Variants in CYB5R3 observed in about 807,000 individuals in gnomAD.
CYB5R3 encodes NADH-cytochrome b5 reductase 3.
CYB5R3 carries 28 observed loss-of-function variants against 36.5 expected under a neutral mutation model. The observed-to-expected ratio is 0.77, with a 90% CI of 0.57 to 1.05. The LOEUF (loss-of-function observed/expected upper bound fraction) is 1.05. Ranked by LOEUF, CYB5R3 falls within the 50% of genes least tolerant of loss-of-function variation. CYB5R3 has a pLI of 0.00. For missense variants in CYB5R3, 474 were observed against 408.9 expected (o/e 1.16, Z -1.37); for synonymous variants, 181 against 159.8 (o/e 1.13, Z -1.00).
chr22:42,627,769 A>G lies in CYB5R3; in HGVS notation c.464-81T>C, dbSNP rs867803728. 17 of 1,064,552 alleles carry G rather than the reference A, an allele frequency of 1.6e-5. No homozygotes were observed. In the Middle Eastern group the frequency reaches 1.0e-3, roughly 62 times the overall value. 65.9% of individuals were successfully genotyped at this position (1,064,552 alleles called of 1,614,324 possible). Reference sequence around the variant, plus strand: ...GGAGAGGCTGGAGAGGGGGCTGGAGAACCTGCCCCCACTGTGAGGTCCGAG... The same window carrying G: ...GGAGAGGCTGGAGAGGGGGCTGGAGGACCTGCCCCCACTGTGAGGTCCGAG... On this transcript the variant is annotated intron_variant, in intron 5 of 8. Coordinates refer to ENST00000352397, the MANE Select transcript of CYB5R3 (RefSeq NM_000398.7).
chr22:42,627,421 C>T, intron 6 of CYB5R3, 32 bp from the exon 7 acceptor site: 1 of 1,601,894 alleles, frequency 6.2e-7, no homozygotes, highest in Non-Finnish European at 8.5e-7. Flanking sequence ...CTCGCACGTG[C>T]TGAGCGAGGC....
rs1470298576 is a variant in CYB5R3 at position 42,649,353 on chromosome 22, G to A, written c.-38C>T. The A allele has an allele frequency of 6.7e-6, 6 of 894,286 alleles. No individual in the cohort carries two copies. Among genetic ancestry groups the A allele is most frequent in the South Asian group, 7.8e-5 (2 of 25,638 alleles). 55.4% of individuals were successfully genotyped at this position (894,286 alleles called of 1,614,324 possible). On this transcript the variant is annotated 5_prime_UTR_variant, in exon 1 of 9. Coordinates refer to ENST00000352397, the MANE Select transcript of CYB5R3 (RefSeq NM_000398.7). The stretch of plus-strand genomic sequence containing the variant: ...CCGCGCTCGCTCTGTCGCCGCCGCC[G>A]CCGCCGCCGAGACCGTCGCGCCCGG...
chr22:42,628,370 C>T, intron 4 of CYB5R3, 89 bp from the exon 5 acceptor site: 2 of 1,544,060 alleles, frequency 1.3e-6, no homozygotes, highest in Non-Finnish European at 1.8e-6. Flanking sequence ...GCCTCTTCTG[C>T]AGCTTCTTCT....
chr22:42,647,346 G>A (rs1055541008), intron 1 of CYB5R3, among the ~76,000 whole-genome samples: 8 of 152,214 alleles, frequency 5.3e-5, no homozygotes, highest in Admixed American at 2.0e-4. Flanking sequence ...CAAGAACGGC[G>A]TTCACACCTG....
chr22:42,627,836 G>C, intron 5 of CYB5R3, 148 bp from the exon 6 acceptor site: 1 of 743,522 alleles, frequency 1.3e-6, no homozygotes, highest in Non-Finnish European at 2.4e-6. Flanking sequence ...TGAGGAAGGT[G>C]CAGGAGCAGT....
At chr22:42,643,457 C>G (rs888342764) in intron 1 of CYB5R3, among the ~76,000 whole-genome samples, 3 of 139,016 alleles carry the variant, frequency 2.2e-5, no homozygotes, top group Admixed American at 7.2e-5. Context: ...CCCCACCCCC[C>G]ACCCTGCAAC....
intron 1 of CYB5R3, 92 bp downstream of exon 1, chr22:42,649,203 C>T (rs1929657937): frequency 9.2e-6 from 5 of 542,736 alleles, no homozygotes; most frequent in Middle Eastern, 8.5e-4. Flanking sequence ...GCCCGGGTCC[C>T]GCGTCACCTC....
chr22:42,622,210 G>T (rs114534262), intron 8 of CYB5R3, among the ~76,000 whole-genome samples: 1,732 of 152,210 alleles, frequency 0.011, 32 homozygotes, highest in African/African-American at 0.039. Context: ...GTGAGCCACC[G>T]CGCCCGGCCT....
intron 1 of CYB5R3, among the ~76,000 whole-genome samples, chr22:42,644,813 C>T (rs897085346): frequency 2.6e-5 from 4 of 152,166 alleles, no homozygotes; most frequent in Non-Finnish European, 5.9e-5. Context: ...CCCTGGAGTT[C>T]TGTTTTTCCA....
intron 1 of CYB5R3, chr22:42,646,647 C>G: frequency 1.0e-6 from 1 of 985,626 alleles, no homozygotes; most frequent in Non-Finnish European, 1.2e-6. Context: ...TTACCTGTCC[C>G]CTGCCTGCCC....
intron 2 of CYB5R3, among the ~76,000 whole-genome samples, chr22:42,636,294 G>A (rs918133659): frequency 6.6e-6 from 1 of 152,154 alleles, no homozygotes; most frequent in African/African-American, 2.4e-5. Flanking sequence ...ACAGCTCAGA[G>A]CACCCAGGGA....
intron 2 of CYB5R3, 107 bp downstream of exon 2, chr22:42,636,608 G>A (rs1450153837): frequency 6.6e-7 from 1 of 1,513,068 alleles, no homozygotes; most frequent in Non-Finnish European, 8.9e-7. Flanking sequence ...TCTGTAAAAT[G>A]GGTGGACAAC....
Position 42,619,938 on chromosome 22 carries a change from G to A in CYB5R3, c.741C>T (p.Asp247=), listed in dbSNP as rs1927874834. 2 of 1,598,296 alleles carry A rather than the reference G, an allele frequency of 1.3e-6. No homozygotes were observed. Among genetic ancestry groups the A allele is most frequent in the East Asian group, 4.5e-5 (2 of 44,134 alleles). Residue 247 remains aspartate, a synonymous_variant, in exon 9 of 9, where the codon GAC becomes GAT. Coordinates refer to ENST00000352397, the MANE Select transcript of CYB5R3 (RefSeq NM_000398.7). ...CCTCATTCACGAAGCCCTGGCCGTA[G>A]TCCCAGGCTGTGGGGTGAGAGACCA... is the stretch of plus-strand genomic sequence containing the variant. ...YTLDRAPEAW[D]YGQGFVNEEM...
intron 4 of CYB5R3, among the ~76,000 whole-genome samples, chr22:42,628,566 TCAC>T (rs1928432905): frequency 6.6e-6 from 1 of 152,034 alleles, no homozygotes; most frequent in African/African-American, 2.4e-5. Flanking sequence ...CACTCACATT[TCAC>T]CAACTGTCTC....
rs1207318095 is a variant in CYB5R3 at position 42,618,832 on chromosome 22, A to T, written c.*941T>A. 1 of 151,566 alleles carries T rather than the reference A, an allele frequency of 6.6e-6. No individual in the cohort carries two copies. Among genetic ancestry groups the T allele is most frequent in the Non-Finnish European group, 1.5e-5 (1 of 67,852 alleles). 9.4% of individuals were successfully genotyped at this position (151,566 alleles called of 1,614,324 possible). On this transcript the variant is annotated 3_prime_UTR_variant, in exon 9 of 9. Transcript: ENST00000352397. Reference sequence around the variant, plus strand: ...GAAGGGTTAATATTAGCAAAGTTTTACTTTTTTTTTTTCTGCTCATAAATG... The same window carrying T: ...GAAGGGTTAATATTAGCAAAGTTTTTCTTTTTTTTTTTCTGCTCATAAATG...
intron 1 of CYB5R3, among the ~76,000 whole-genome samples, chr22:42,648,044 G>A (rs1175560721): frequency 6.6e-6 from 1 of 152,186 alleles, no homozygotes; most frequent in African/African-American, 2.4e-5. Context: ...GGAGGCAGAT[G>A]CTTTCTGGGG....
At position 42,628,226 on chromosome 22, in the gene CYB5R3, T is replaced by C. The variant is rs1339269972; in HGVS notation, c.389A>G (p.Tyr130Cys). The stretch of plus-strand genomic sequence containing the variant: ...GTCTCCAATCTGCATGCTCTCCAGG[T>C]ACTGAGACATCTTCCCTCCAGCGGG... ...KFPAGGKMSQ[Y>C]LESMQIGDTI... The change falls in exon 5 of 9, where the codon TAC becomes TGC. Residue 130 changes from tyrosine (Y) to cysteine (C), a missense_variant. Physicochemically the swap from Tyr to Cys is radical, Grantham distance 194 (BLOSUM62 -2). Transcript: ENST00000352397. The C allele has an allele frequency of 1.2e-6, 2 of 1,614,088 alleles. No individual in the cohort carries two copies. The highest frequency in any genetic ancestry group is 3.3e-5 in the Admixed American group (2 of 60,026).
At chr22:42,621,558 A>G (rs1927971346) in intron 8 of CYB5R3, among the ~76,000 whole-genome samples, 1 of 152,262 alleles carries the variant, frequency 6.6e-6, no homozygotes, top group African/African-American at 2.4e-5. Context: ...TTAATGCTAC[A>G]GCAGTACCTC....
intron 2 of CYB5R3, 57 bp from the exon 3 acceptor site, chr22:42,631,507 G>T: frequency 6.8e-7 from 1 of 1,480,106 alleles, no homozygotes; most frequent in Non-Finnish European, 9.2e-7. Context: ...TCCCAGGGCG[G>T]CTCCCAGGCC....
Sources: allele counts gnomAD v4.1 joint callset (sites outside exome capture counted in the v4.1 genomes callset), GRCh38; gene constraint gnomAD v4.1.1; transcripts MANE v1.5; gene names NCBI Gene and HGNC (gene_info 2026-07-23, HGNC 2026-07-21).